The following EMCN variants were observed in gnomAD, a reference collection of about 807,000 sequenced individuals.
EMCN encodes MUC-14.
EMCN carries 37 observed loss-of-function variants against 38.4 expected under a neutral mutation model. The ratio of observed to expected loss-of-function variants is 0.96; its 90% CI spans 0.74 to 1.27. The LOEUF is 1.27. Among genes scored for constraint, EMCN ranks in the 50% most tolerant of loss-of-function variants. The pLI is 0.00. For synonymous variants in EMCN, 95 were observed against 100.8 expected (o/e 0.94, Z 0.35); for missense variants, 318 against 302.8 (o/e 1.05, Z -0.37).
chr4:100,444,439 G>C (rs912799642), intron 5 of EMCN, among the ~76,000 whole-genome samples: 1 of 152,156 alleles, frequency 6.6e-6, no homozygotes, highest in African/African-American at 2.4e-5. Flanking sequence ...TCTAGTGTAA[G>C]TCTGTGATCC....
intron 1 of EMCN, among the ~76,000 whole-genome samples, chr4:100,489,067 T>C (rs919873733): frequency 2.0e-5 from 3 of 152,182 alleles, no homozygotes; most frequent in African/African-American, 7.2e-5. Context: ...CTCCATTTTA[T>C]AGATGGAGAA....
intron 5 of EMCN, among the ~76,000 whole-genome samples, chr4:100,429,539 C>T (rs143675870): frequency 6.6e-6 from 1 of 152,052 alleles, no homozygotes; most frequent in Non-Finnish European, 1.5e-5. Flanking sequence ...ACTCTTATAG[C>T]AATGCAAAAA....
chr4:100,501,710 TA>T (rs1229499083), intron 1 of EMCN, among the ~76,000 whole-genome samples: 1 of 152,140 alleles, frequency 6.6e-6, no homozygotes, highest in East Asian at 1.9e-4. Context: ...TCTTTTATTA[TA>T]ATTATTTGTA....
At chr4:100,417,249 G>T in intron 8 of EMCN, 108 bp from the exon 9 acceptor site, 1 of 966,346 alleles carries the variant, frequency 1.0e-6, no homozygotes, top group Non-Finnish European at 1.6e-6. Context: ...TCTATGCAGA[G>T]ATGTTTCTAA....
At chr4:100,510,908 A>G (rs1377946106) in intron 1 of EMCN, among the ~76,000 whole-genome samples, 1 of 152,182 alleles carries the variant, frequency 6.6e-6, no homozygotes, top group Non-Finnish European at 1.5e-5. Flanking sequence ...TGTTTTTTTC[A>G]ACAAACATAA....
Position 100,423,389 on chromosome 4 carries a change from G to C in EMCN, c.431C>G (p.Pro144Arg), listed in dbSNP as rs780057026. 5 of 1,611,608 alleles carry C rather than the reference G, an allele frequency of 3.1e-6. No individual in the cohort carries two copies. Among genetic ancestry groups the C allele is most frequent in the Non-Finnish European group, 8.5e-7 (1 of 1,178,166 alleles). Reference protein sequence around the residue: ...TTEIPGSVLQPDASPSKTGTL... With the variant: ...TTEIPGSVLQRDASPSKTGTL... ...ACCAGTTTTAGAAGGTGATGCATCT[G>C]GTTGTAGAACACTACCTGTATGAAA... Residue 144 changes from proline (P) to arginine (R), a missense_variant, in exon 6 of 12, where the codon CCA (proline) becomes CGA (arginine). Pro to Arg is a moderately radical substitution (Grantham distance 103). Coordinates refer to ENST00000296420, the MANE Select transcript of EMCN (RefSeq NM_016242.4).
intron 5 of EMCN, among the ~76,000 whole-genome samples, chr4:100,428,538 C>T (rs1727115011): frequency 6.6e-6 from 1 of 151,982 alleles, no homozygotes. Flanking sequence ...AATATAAGAA[C>T]CTCTAGGGCA....
chr4:100,484,364 A>G (rs1728886988), intron 1 of EMCN, among the ~76,000 whole-genome samples: 1 of 152,198 alleles, frequency 6.6e-6, no homozygotes. Flanking sequence ...TTGTAATTAC[A>G]AAGCATGTCT....
intron 4 of EMCN, among the ~76,000 whole-genome samples, chr4:100,461,217 C>T (rs1177976752): frequency 2.0e-5 from 3 of 152,126 alleles, no homozygotes; most frequent in Non-Finnish European, 4.4e-5. Context: ...TCCATATGTT[C>T]ACTTCTTGAC....
intron 4 of EMCN, among the ~76,000 whole-genome samples, chr4:100,450,152 C>A (rs1727797193): frequency 6.6e-6 from 1 of 151,872 alleles, no homozygotes; most frequent in South Asian, 2.1e-4. Flanking sequence ...TTAAAAGAAT[C>A]TCAGAAAAGT....
At chr4:100,436,972 C>T (rs905935080) in intron 5 of EMCN, among the ~76,000 whole-genome samples, 2 of 152,098 alleles carry the variant, frequency 1.3e-5, no homozygotes, top group African/African-American at 4.8e-5. Context: ...TCACGGCACA[C>T]GTTTATCTGT....
chr4:100,504,847 A>ACTGATGTCAGGCCTGC (rs1729439505), intron 1 of EMCN, among the ~76,000 whole-genome samples: 2 of 152,170 alleles, frequency 1.3e-5, no homozygotes, highest in Non-Finnish European at 2.9e-5. Context: ...GGAGGGCCTG[A>ACTGATGTCAGGCCTGC]CTGATGTCAG....
intron 5 of EMCN, among the ~76,000 whole-genome samples, chr4:100,444,574 G>T (rs1003290194): frequency 6.6e-6 from 1 of 152,160 alleles, no homozygotes; most frequent in Non-Finnish European, 1.5e-5. Flanking sequence ...TGAGAGGAGA[G>T]TGCACAGTAA....
At chr4:100,413,803 C>T (rs950806563) in intron 10 of EMCN, among the ~76,000 whole-genome samples, 1 of 152,148 alleles carries the variant, frequency 6.6e-6, no homozygotes, top group Non-Finnish European at 1.5e-5. Flanking sequence ...AAGAATATAT[C>T]TTACTATTTC....
At chr4:100,414,036 C>T (rs1437206257) in intron 10 of EMCN, among the ~76,000 whole-genome samples, 1 of 152,132 alleles carries the variant, frequency 6.6e-6, no homozygotes, top group Non-Finnish European at 1.5e-5. Context: ...TGAGGCTTTC[C>T]CCCTGCTGGA....
chr4:100,488,697 C>T (rs1343792443), intron 1 of EMCN, among the ~76,000 whole-genome samples: 2 of 152,080 alleles, frequency 1.3e-5, no homozygotes, highest in African/African-American at 2.4e-5. Flanking sequence ...CAGTATTGCA[C>T]TTGAAGCTAG....
chr4:100,430,556 T>C (rs925065854), intron 5 of EMCN, among the ~76,000 whole-genome samples: 10 of 152,188 alleles, frequency 6.6e-5, no homozygotes, highest in African/African-American at 1.4e-4. Context: ...GTAGAGTTCA[T>C]TGGAGAACCA....
At chr4:100,453,555 C>G (rs1199515147) in intron 4 of EMCN, among the ~76,000 whole-genome samples, 1 of 152,130 alleles carries the variant, frequency 6.6e-6, no homozygotes, top group African/African-American at 2.4e-5. Context: ...GAAATAGGAA[C>G]ACTTTTACAC....
chr4:100,424,737 A>G (rs57050523), intron 5 of EMCN, among the ~76,000 whole-genome samples: 7,011 of 152,090 alleles, frequency 0.046, 572 homozygotes, highest in African/African-American at 0.16. Flanking sequence ...ACTAGCTGAA[A>G]CCTTGGTACT....
Sources: gnomAD v4.1 joint callset for allele counts (sites outside exome capture counted in the v4.1 genomes callset) on GRCh38, gnomAD v4.1.1 for gene constraint, MANE v1.5 for transcripts, NCBI Gene and HGNC (gene_info 2026-07-23, HGNC 2026-07-21) for gene names.